USP38: variants seen among roughly 807,000 people sequenced by gnomAD.
USP38 encodes ubiquitin carboxyl-terminal hydrolase 38.
A neutral mutation model predicts 94.3 loss-of-function variants in USP38; 49 were observed. That is an observed-to-expected ratio of 0.52 (90% CI 0.41 to 0.66). The LOEUF (loss-of-function observed/expected upper bound fraction) is 0.66, where lower values mean the gene tolerates loss of function less well. Ranked by LOEUF, USP38 falls within the 30% of genes least tolerant of loss-of-function variation. USP38 has a pLI of 0.00. For synonymous variants in USP38, 468 were observed against 463.6 expected, an observed-to-expected ratio of 1.01 and a Z score of -0.12; for missense variants, 1,128 against 1,229.4, an observed-to-expected ratio of 0.92 and a Z score of 1.23.
chr4:143,208,463 A>G (rs1185125803), intron 6 of USP38, among the ~76,000 whole-genome samples: 2 of 152,112 alleles, frequency 1.3e-5, no homozygotes, highest in African/African-American at 2.4e-5. Context: ...TCTGATACCA[A>G]TATAAGATTG....
At position 143,214,696 on chromosome 4, in the gene USP38, AG is replaced by A; in HGVS notation, c.2722del (p.Glu908LysfsTer14). ...SAVFEQDLEN[K>X]EMSKEWFLFN... ...GTTTTTGAACAGGATTTGGAAAATA[AG>A]GAAATGTCAAAAGAATGGTTTTTAT... On this transcript the variant is annotated frameshift_variant, in exon 9 of 10. Transcript: ENST00000307017. LOFTEE classifies it high-confidence loss of function. 1 of 1,613,764 alleles carries A rather than the reference AG, an allele frequency of 6.2e-7. No homozygotes were observed. The highest frequency in any genetic ancestry group is 8.5e-7 in the Non-Finnish European group (1 of 1,179,818).
chr4:143,209,675 T>TA lies in USP38; in HGVS notation c.1497+19dup. The TA allele has an allele frequency of 6.7e-7, 1 of 1,498,634 alleles. No individual in the cohort carries two copies. Among genetic ancestry groups the TA allele is most frequent in the Non-Finnish European group, 9.2e-7 (1 of 1,085,532 alleles). The allele number at this position is 1,498,634 out of a possible 1,614,324, so 92.8% of individuals were successfully genotyped here. A position where few individuals can be genotyped will look rare whatever the true frequency, so the allele number is the denominator to read the frequency against. On this transcript the variant is annotated intron_variant, in intron 7 of 9. Coordinates refer to ENST00000307017, the MANE Select transcript of USP38 (RefSeq NM_032557.6). The stretch of plus-strand genomic sequence containing the variant: ...ATACACAGGTGAGTGTGTATGTGTA[T>TA]ATAGTACGTTTATGTTAACTGCGTG...
At chr4:143,219,261 C>G (rs1732261690) in intron 9 of USP38, among the ~76,000 whole-genome samples, 1 of 152,014 alleles carries the variant, frequency 6.6e-6, no homozygotes. Context: ...GAAGATGCTG[C>G]ATGCTACTGA....
At chr4:143,217,656 A>G (rs1369937755) in intron 9 of USP38, among the ~76,000 whole-genome samples, 2 of 152,142 alleles carry the variant, frequency 1.3e-5, no homozygotes, top group African/African-American at 4.8e-5. Flanking sequence ...AGCTTTTTTT[A>G]GGATTTCATT....
In USP38 at chr4:143,185,749, A is replaced by T; in HGVS notation, c.299A>T (p.Asp100Val). 6.2e-7 allele frequency: 1 copy of T among 1,614,100 alleles called. No homozygotes were observed. The highest frequency in any genetic ancestry group is 1.6e-4 in the Middle Eastern group (1 of 6,062). ...HQGYHSLDRK[D>V]VAILDYIHNG... ...GGCTACCACTCTCTGGACAGGAAGGATGTAGCCATCCTGGACTACATTCAC... is the reference window on the plus strand; with the variant it reads ...GGCTACCACTCTCTGGACAGGAAGGTTGTAGCCATCCTGGACTACATTCAC... The change falls in exon 1 of 10, where the codon GAT becomes GTT. Residue 100 changes from aspartate (D) to valine (V), a missense_variant. Asp to Val is a radical substitution (Grantham distance 152, BLOSUM62 -3). Coordinates refer to ENST00000307017, the MANE Select transcript of USP38 (RefSeq NM_032557.6).
At chr4:143,217,574 A>G (rs1732217270) in intron 9 of USP38, among the ~76,000 whole-genome samples, 1 of 152,206 alleles carries the variant, frequency 6.6e-6, no homozygotes, top group Non-Finnish European at 1.5e-5. Context: ...ATTTTAGTAC[A>G]TATCAGGGTA....
chr4:143,203,389 T>C lies in USP38; in HGVS notation c.1051-19T>C. 6.2e-7 allele frequency: 1 copy of C among 1,601,968 alleles called. No homozygotes were observed. Among genetic ancestry groups the C allele is most frequent in the Non-Finnish European group, 8.5e-7 (1 of 1,172,692 alleles). ...CAATTTGTATAAATTCAGCATTGTTTATCCTTTTTTCTTTTCAGATTGTTC... is the reference window on the plus strand; with the variant it reads ...CAATTTGTATAAATTCAGCATTGTTCATCCTTTTTTCTTTTCAGATTGTTC... On this transcript the variant is annotated intron_variant, in intron 4 of 9. Transcript: ENST00000307017.
In USP38 at chr4:143,214,582, ACT is replaced by A; in HGVS notation, c.2609_2610del (p.Ser870PhefsTer9). On this transcript the variant is annotated frameshift_variant, in exon 9 of 10. Coordinates refer to ENST00000307017, the MANE Select transcript of USP38 (RefSeq NM_032557.6). LOFTEE classifies it high-confidence loss of function. Reference sequence around the variant, plus strand: ...TATGCCAGGAATATCACAAGTACAGACTCTTCATATCAGATGTACCACCAGTC... The same window carrying A: ...TATGCCAGGAATATCACAAGTACAGACTTCATATCAGATGTACCACCAGTC... The A allele has an allele frequency of 6.2e-7, 1 of 1,613,502 alleles. No homozygotes were observed. Among genetic ancestry groups the A allele is most frequent in the Non-Finnish European group, 8.5e-7 (1 of 1,179,784 alleles).
In USP38 at chr4:143,187,676, A is replaced by G. The variant is rs983133112; in HGVS notation, c.683-150A>G. 4 of 742,544 alleles carry G rather than the reference A, an allele frequency of 5.4e-6. No homozygotes were observed. In the African/African-American group the frequency reaches 7.2e-5, roughly 13 times the overall value. The allele number at this position is 742,544 out of a possible 1,614,324, so 46.0% of individuals were successfully genotyped here. A position where few individuals can be genotyped will look rare whatever the true frequency, so the allele number is the denominator to read the frequency against. ...TCCTGTAATTTAACATTCCTTGTAA[A>G]TTAAGAGTCTACCCATGAGGGTGTA... On this transcript the variant is annotated intron_variant, in intron 1 of 9. Coordinates refer to ENST00000307017, the MANE Select transcript of USP38 (RefSeq NM_032557.6).
chr4:143,187,823 CAG>C lies in USP38; in HGVS notation c.683-1_683del. The C allele has an allele frequency of 6.2e-7, 1 of 1,602,156 alleles. No homozygotes were observed. Among genetic ancestry groups the C allele is most frequent in the Non-Finnish European group, 8.5e-7 (1 of 1,175,326 alleles). On this transcript the variant is annotated splice_acceptor_variant, in intron 1 of 9. Transcript: ENST00000307017. LOFTEE classifies it high-confidence loss of function. ...TCCCTTTTCTTTTTAATTGAAAAAA[CAG>C]ATGCATCATTTGAACCTTCTGTAGC...
intron 4 of USP38, 124 bp downstream of exon 4, chr4:143,198,048 C>T: frequency 1.7e-6 from 1 of 581,814 alleles, no homozygotes; most frequent in Admixed American, 3.6e-5. Flanking sequence ...TTTCATATAG[C>T]TTTATGATTT....
intron 2 of USP38, among the ~76,000 whole-genome samples, chr4:143,195,030 C>T (rs1325459857): frequency 1.3e-5 from 2 of 150,024 alleles, no homozygotes; most frequent in East Asian, 3.9e-4. Flanking sequence ...TCTTTTTGTT[C>T]TCTTTGTATA....
At chr4:143,199,549 A>G (rs1464401225) in intron 4 of USP38, among the ~76,000 whole-genome samples, 2 of 152,164 alleles carry the variant, frequency 1.3e-5, no homozygotes, top group Non-Finnish European at 2.9e-5. Context: ...TAGCTCTTTG[A>G]AGAATCACCA....
chr4:143,208,699 A>G (rs1731939062), intron 6 of USP38, among the ~76,000 whole-genome samples: 1 of 151,730 alleles, frequency 6.6e-6, no homozygotes. Flanking sequence ...ACTCTGGATA[A>G]TCATCCTTTG....
At chr4:143,212,711 T>G in intron 8 of USP38, among the ~76,000 whole-genome samples, 1 of 152,112 alleles carries the variant, frequency 6.6e-6, no homozygotes, top group South Asian at 2.1e-4. Flanking sequence ...AGCGTAACTG[T>G]GTGAGGCCAG....
rs1561234624 is a variant in USP38 at position 143,185,392 on chromosome 4, C to T, written c.-59C>T. 6.6e-7 allele frequency: 1 copy of T among 1,514,204 alleles called. No individual in the cohort carries two copies. The allele number at this position is 1,514,204 out of a possible 1,614,324, so 93.8% of individuals were successfully genotyped here. Reference sequence around the variant, plus strand: ...CCGCCCCGGGGCTCTCCTGCCCCACCTCGGGGCTGCCGCCACCCGCTCCTT... The same window carrying T: ...CCGCCCCGGGGCTCTCCTGCCCCACTTCGGGGCTGCCGCCACCCGCTCCTT... On this transcript the variant is annotated 5_prime_UTR_variant, in exon 1 of 10. Coordinates refer to ENST00000307017, the MANE Select transcript of USP38 (RefSeq NM_032557.6).
chr4:143,209,970 A>G (rs1289623679), intron 7 of USP38, among the ~76,000 whole-genome samples: 1 of 152,196 alleles, frequency 6.6e-6, no homozygotes, highest in East Asian at 1.9e-4. Context: ...AAGTTCCTTC[A>G]TGAAGAATTA....
intron 7 of USP38, among the ~76,000 whole-genome samples, chr4:143,210,320 G>A (rs930265739): frequency 6.6e-6 from 1 of 152,188 alleles, no homozygotes; most frequent in Non-Finnish European, 1.5e-5. Flanking sequence ...CAGGCGCAGT[G>A]GCTCACGCCT....
At chr4:143,219,298 A>T (rs1168791145) in intron 9 of USP38, among the ~76,000 whole-genome samples, 1 of 152,058 alleles carries the variant, frequency 6.6e-6, no homozygotes, top group East Asian at 1.9e-4. Context: ...AATATGACAG[A>T]TAGGTGTCAG....
Sources: allele counts gnomAD v4.1 joint callset (sites outside exome capture counted in the v4.1 genomes callset), GRCh38; gene constraint gnomAD v4.1.1; transcripts MANE v1.5; gene names NCBI Gene and HGNC (gene_info 2026-07-23, HGNC 2026-07-21).